IMPG1: variants seen among roughly 807,000 people sequenced by gnomAD.
IMPG1 encodes interphotoreceptor matrix proteoglycan 1.
IMPG1 carries 85 observed loss-of-function variants against 92.0 expected under a neutral mutation model. The observed-to-expected ratio is 0.92, with a 90% CI of 0.78 to 1.11. The LOEUF is 1.11. Among genes scored for constraint, IMPG1 ranks in the 50% least tolerant of loss-of-function variants. IMPG1 has a pLI of 0.00. For missense variants in IMPG1, 1,022 were observed against 956.0 expected (o/e 1.07, Z -0.91); for synonymous variants, 367 against 334.1 (o/e 1.10, Z -1.08).
At chr6:75,935,599 C>T (rs1781732338) in intron 14 of IMPG1, among the ~76,000 whole-genome samples, 1 of 152,098 alleles carries the variant, frequency 6.6e-6, no homozygotes, top group African/African-American at 2.4e-5. Flanking sequence ...TTGTTGGTGG[C>T]GAGGAGGTGA....
At chr6:75,981,082 G>A (rs1782620097) in intron 12 of IMPG1, among the ~76,000 whole-genome samples, 1 of 152,170 alleles carries the variant, frequency 6.6e-6, no homozygotes, top group Non-Finnish European at 1.5e-5. Flanking sequence ...TGCAGCCCTG[G>A]TCCTGATCTG....
chr6:76,060,503 C>A (rs575831490), intron 1 of IMPG1, among the ~76,000 whole-genome samples: 1 of 152,090 alleles, frequency 6.6e-6, no homozygotes, highest in Non-Finnish European at 1.5e-5. Flanking sequence ...TTGGAAGTTG[C>A]GTTGGACTCA....
chr6:75,941,708 T>C (rs900559068), intron 14 of IMPG1, among the ~76,000 whole-genome samples: 1 of 152,202 alleles, frequency 6.6e-6, no homozygotes, highest in African/African-American at 2.4e-5. Context: ...GATGCAATGA[T>C]TGTAGTTTCT....
intron 1 of IMPG1, among the ~76,000 whole-genome samples, chr6:76,057,899 C>T (rs1235414005): frequency 1.3e-5 from 2 of 151,988 alleles, no homozygotes; most frequent in Admixed American, 1.3e-4. Context: ...CTTTAAATAG[C>T]TGCATGTTAT....
intron 2 of IMPG1, among the ~76,000 whole-genome samples, chr6:76,037,040 A>G (rs1783752543): frequency 6.6e-6 from 1 of 152,216 alleles, no homozygotes; most frequent in Non-Finnish European, 1.5e-5. Flanking sequence ...ACTCTAGAGC[A>G]ATGGAAACAA....
intron 12 of IMPG1, among the ~76,000 whole-genome samples, chr6:76,001,921 C>T (rs1288621414): frequency 6.6e-6 from 1 of 152,102 alleles, no homozygotes; most frequent in East Asian, 1.9e-4. Context: ...TGCTATCATA[C>T]CATATATGTA....
At chr6:75,922,513 G>C (rs920970925) in intron 16 of IMPG1, among the ~76,000 whole-genome samples, 2 of 152,154 alleles carry the variant, frequency 1.3e-5, no homozygotes, top group African/African-American at 4.8e-5. Context: ...CTGAATGTCT[G>C]TCAACACAGA....
chr6:76,035,440 G>A (rs1582120732), intron 2 of IMPG1, among the ~76,000 whole-genome samples: 2 of 150,210 alleles, frequency 1.3e-5, no homozygotes, highest in South Asian at 2.1e-4. Flanking sequence ...CGGAGGTTGC[G>A]GTGAGCCGAG....
chr6:75,946,236 G>A (rs1398245982), intron 14 of IMPG1, among the ~76,000 whole-genome samples: 1 of 152,216 alleles, frequency 6.6e-6, no homozygotes, highest in Non-Finnish European at 1.5e-5. Flanking sequence ...CAGGCGGTCT[G>A]TCTTTTTAAG....
intron 1 of IMPG1, among the ~76,000 whole-genome samples, chr6:76,045,116 G>A (rs370387619): frequency 6.6e-6 from 1 of 152,136 alleles, no homozygotes; most frequent in African/African-American, 2.4e-5. Context: ...GTTTATAGCT[G>A]TTATTCTTTC....
chr6:76,034,491 T>A, intron 3 of IMPG1, 130 bp downstream of exon 3: 1 of 1,226,182 alleles, frequency 8.2e-7, no homozygotes, highest in Admixed American at 1.9e-5. Context: ...TCTATTGGCC[T>A]AATCAGATAC....
intron 12 of IMPG1, among the ~76,000 whole-genome samples, chr6:76,001,405 C>T (rs568969979): frequency 4.6e-5 from 7 of 152,292 alleles, no homozygotes; most frequent in Middle Eastern, 6.8e-3. Context: ...GGCATAAATT[C>T]TTCCATACTT....
At chr6:75,965,634 G>A (rs1327854523) in intron 12 of IMPG1, among the ~76,000 whole-genome samples, 13 of 142,916 alleles carry the variant, frequency 9.1e-5, no homozygotes, top group Non-Finnish European at 2.0e-4. Flanking sequence ...TTGAGACGGA[G>A]TCTCGCTCTG....
rs375540782 is a variant in IMPG1 at position 75,924,693 on chromosome 6, A to ATATATAATTATATGATATATCAT, written c.2244-988_2244-987insATGATATATCATATAATTATATA. On this transcript the variant is annotated intron_variant, in intron 15 of 16. Transcript: ENST00000369950. ...AATTATATATTATATATTATATATA[A>ATATATAATTATATGATATATCAT]ATAATTATATATAATATATAATATA... Among the ~76,000 whole-genome samples, 20 of 4,032 alleles carry ATATATAATTATATGATATATCAT rather than the reference A, an allele frequency of 5.0e-3. 6 individuals carry two copies. Among genetic ancestry groups the ATATATAATTATATGATATATCAT allele is most frequent in the South Asian group, 0.033 (2 of 60 alleles). The allele number at this position is 4,032 out of a possible 152,430, so 2.6% of individuals were successfully genotyped here. A position where few individuals can be genotyped will look rare whatever the true frequency, so the allele number is the denominator to read the frequency against.
chr6:75,997,942 G>A (rs1385808551), intron 12 of IMPG1, among the ~76,000 whole-genome samples: 5 of 152,120 alleles, frequency 3.3e-5, no homozygotes, highest in Admixed American at 2.6e-4. Context: ...TCCTTTTCAG[G>A]GAGCCGTTGG....
At chr6:76,064,834 G>A (rs980312418) in intron 1 of IMPG1, among the ~76,000 whole-genome samples, 6 of 152,100 alleles carry the variant, frequency 3.9e-5, no homozygotes, top group Non-Finnish European at 8.8e-5. Flanking sequence ...AGATGGAACT[G>A]CACAACCTAA....
chr6:76,033,609 G>A (rs531669620), intron 4 of IMPG1, among the ~76,000 whole-genome samples: 1 of 152,282 alleles, frequency 6.6e-6, no homozygotes, highest in Non-Finnish European at 1.5e-5. Context: ...TAGTGGCAAA[G>A]GGAATAGAAA....
chr6:76,021,778 CATATAT>C lies in IMPG1; in HGVS notation c.666+332_666+337del, dbSNP rs140827081. Among the ~76,000 whole-genome samples, 28 of 49,490 alleles carry C rather than the reference CATATAT, an allele frequency of 5.7e-4. 1 individual carries two copies. The highest frequency in any genetic ancestry group is 4.0e-3 in the East Asian group (5 of 1,240). 32.5% of individuals were successfully genotyped at this position (49,490 alleles called of 152,430 possible). A position where few individuals can be genotyped will look rare whatever the true frequency, so the allele number is the denominator to read the frequency against. ...TTCATTCATTCTAACACTTGGAGAGCATATATATATATATATATATATATGGTTTTG... is the reference window on the plus strand; with the variant it reads ...TTCATTCATTCTAACACTTGGAGAGCATATATATATATATATATGGTTTTG... On this transcript the variant is annotated intron_variant, in intron 6 of 16. Transcript: ENST00000369950.
In IMPG1 at chr6:76,022,142, G is replaced by A; in HGVS notation, c.640C>T (p.Leu214Phe). 1 of 1,592,206 alleles carries A rather than the reference G, an allele frequency of 6.3e-7. No homozygotes were observed. Among genetic ancestry groups the A allele is most frequent in the Non-Finnish European group, 8.6e-7 (1 of 1,164,034 alleles). ...TLLNEILDNT[L>F]NDTKMPTTER... ...GTTGTAGGCATCTTGGTGTCGTTGA[G>A]TGTATTATCGAGAATTTCATTGAGG... Residue 214 changes from leucine to phenylalanine, a missense_variant, in exon 6 of 17, where the codon CTC becomes TTC. Around this residue, in one of 3 missense-constraint regions of IMPG1, gnomAD observed 681 missense variants for 583.6 expected, o/e 1.17. Coordinates refer to ENST00000369950, the MANE Select transcript of IMPG1 (RefSeq NM_001563.4).
Sources: gnomAD v4.1 joint callset for allele counts (sites outside exome capture counted in the v4.1 genomes callset) on GRCh38, gnomAD v4.1.1 for gene constraint, gnomAD v4.1.1 regional missense constraint, MANE v1.5 for transcripts, NCBI Gene and HGNC (gene_info 2026-07-23, HGNC 2026-07-21) for gene names.